Variants in EHMT1 observed in about 807,000 individuals in gnomAD.
EHMT1 encodes histone-lysine N-methyltransferase EHMT1.
EHMT1 carries 15 observed loss-of-function variants against 147.2 expected under a neutral mutation model. That is an observed-to-expected ratio of 0.10 (90% CI 0.07 to 0.16). EHMT1 has a LOEUF of 0.16. Ranked by LOEUF, EHMT1 falls within the 10% of genes least tolerant of loss-of-function variation. The pLI is 1.00. For synonymous variants in EHMT1, 795 were observed against 709.6 expected (o/e 1.12, Z -1.91); for missense variants, 1,587 against 1,772.4 (o/e 0.90, Z 1.88).
Position 137,800,548 on chromosome 9 carries a change from A to G in EHMT1, c.2608-332A>G, listed in dbSNP as rs528112625. 5.1e-4 allele frequency: 193 copies of G among 382,020 alleles called. 2 individuals carry two copies. In the East Asian group the frequency reaches 8.8e-3, roughly 17 times the overall value. The allele number at this position is 382,020 out of a possible 1,614,324, so 23.7% of individuals were successfully genotyped here. A position where few individuals can be genotyped will look rare whatever the true frequency, so the allele number is the denominator to read the frequency against. On this transcript the variant is annotated intron_variant, in intron 17 of 26. Coordinates refer to ENST00000460843, the MANE Select transcript of EHMT1 (RefSeq NM_024757.5). ...AAGTTTCAGCTCCCGTGTGTGTGCC[A>G]TTAGACTCGTTGCACGCAGCTGTGT...
Position 137,787,629 on chromosome 9 carries a change from G to T in EHMT1, c.2383-3219G>T. 1 of 529,752 alleles carries T rather than the reference G, an allele frequency of 1.9e-6. No individual in the cohort carries two copies. Among genetic ancestry groups the T allele is most frequent in the East Asian group, 3.4e-5 (1 of 29,634 alleles). The allele number at this position is 529,752 out of a possible 1,614,324, so 32.8% of individuals were successfully genotyped here. A position where few individuals can be genotyped will look rare whatever the true frequency, so the allele number is the denominator to read the frequency against. On this transcript the variant is annotated intron_variant, in intron 15 of 26. Transcript: ENST00000460843. The surrounding 1 kb of genome is among the most constrained non-coding windows in gnomAD (Gnocchi z 4.2). ...GGCTCCCTGGCAACAAGCTGGGGGT[G>T]GAAGCGGGAGGGAGGAGGGGCCTGT...
At chr9:137,760,744 T>C (rs1321823488) in intron 9 of EHMT1, among the ~76,000 whole-genome samples, 1 of 152,192 alleles carries the variant, frequency 6.6e-6, no homozygotes, top group East Asian at 1.9e-4. Context: ...GCAGGGCGGC[T>C]CAGGCCTGTA....
rs1952130331 is a variant in EHMT1 at position 137,787,988 on chromosome 9, G to A, written c.2383-2860G>A. 2 of 1,471,770 alleles carry A rather than the reference G, an allele frequency of 1.4e-6. No homozygotes were observed. The highest frequency in any genetic ancestry group is 1.9e-6 in the Non-Finnish European group (2 of 1,060,690). The allele number at this position is 1,471,770 out of a possible 1,614,324, so 91.2% of individuals were successfully genotyped here. ...TGGACAGCCCCCCAGGAACTGAGGTGCCCTGCAGTAAGTGGAGAGGCCAGG... is the reference window on the plus strand; with the variant it reads ...TGGACAGCCCCCCAGGAACTGAGGTACCCTGCAGTAAGTGGAGAGGCCAGG... On this transcript the variant is annotated intron_variant, in intron 15 of 26. Coordinates refer to ENST00000460843, the MANE Select transcript of EHMT1 (RefSeq NM_024757.5). This position sits in a 1 kb window ranked among gnomAD's most constrained non-coding sequence, Gnocchi z 4.2.
intron 15 of EHMT1, among the ~76,000 whole-genome samples, chr9:137,790,398 A>G (rs774997627): frequency 6.6e-6 from 1 of 152,218 alleles, no homozygotes; most frequent in Non-Finnish European, 1.5e-5. Context: ...TCCGGAATGC[A>G]TGCTACTGGA....
At chr9:137,700,986 G>A (rs2135158584) in intron 1 of EHMT1, among the ~76,000 whole-genome samples, 1 of 152,316 alleles carries the variant, frequency 6.6e-6, no homozygotes, top group South Asian at 2.1e-4. Flanking sequence ...TTAAAATCAT[G>A]GCGGAAGGCC....
At chr9:137,619,469 G>A (rs1842818222) in intron 1 of EHMT1, among the ~76,000 whole-genome samples, 2 of 152,088 alleles carry the variant, frequency 1.3e-5, no homozygotes, top group South Asian at 4.1e-4. Context: ...CAACTTTGGA[G>A]CGCCGGCCGA....
rs189451342 is a variant in EHMT1 at position 137,697,447 on chromosome 9, T to C, written c.22-13520T>C. Among the ~76,000 whole-genome samples, 31 of 152,334 alleles carry C rather than the reference T, an allele frequency of 2.0e-4. 1 individual carries two copies. The East Asian group carries it at 5.2e-3, about 26-fold the overall frequency. ...CCACTGGGATCGGCCGGCCTGGCCT[T>C]GTGCTCACTGCACACAGGGTCATAC... On this transcript the variant is annotated intron_variant, in intron 1 of 26. Transcript: ENST00000460843.
chr9:137,677,054 C>T (rs1941419577), intron 1 of EHMT1, among the ~76,000 whole-genome samples: 1 of 152,154 alleles, frequency 6.6e-6, no homozygotes, highest in South Asian at 2.1e-4. Flanking sequence ...ATCTTGAACA[C>T]CTGGGCTCAA....
intron 1 of EHMT1, among the ~76,000 whole-genome samples, chr9:137,656,913 G>A (rs1348852661): frequency 6.6e-6 from 1 of 151,680 alleles, no homozygotes; most frequent in Non-Finnish European, 1.5e-5. Context: ...GGTCATTTTT[G>A]TATTTTTAGT....
chr9:137,630,945 A>G (rs1266130024), intron 1 of EHMT1, among the ~76,000 whole-genome samples: 2 of 152,178 alleles, frequency 1.3e-5, no homozygotes, highest in African/African-American at 2.4e-5. Context: ...ATGGAATGAT[A>G]CTTTAAAAAG....
At chr9:137,719,045 G>A (rs574956557) in intron 3 of EHMT1, among the ~76,000 whole-genome samples, 1 of 152,124 alleles carries the variant, frequency 6.6e-6, no homozygotes, top group East Asian at 1.9e-4. Flanking sequence ...GAGCCACCGC[G>A]CCCGGCCTGA....
At chr9:137,757,786 A>G (rs1004397867) in intron 8 of EHMT1, 94 bp from the exon 9 acceptor site, 101 of 1,594,568 alleles carry the variant, frequency 6.3e-5, no homozygotes, top group Non-Finnish European at 8.0e-5. Context: ...GAAGTAGTCC[A>G]TTTCCTGGGG....
chr9:137,765,774 C>G (rs1358050573), intron 10 of EHMT1, among the ~76,000 whole-genome samples: 1 of 151,710 alleles, frequency 6.6e-6, no homozygotes, highest in Non-Finnish European at 1.5e-5. Context: ...GTCAGTTTCA[C>G]TGTTTAGGTT....
At chr9:137,693,028 G>A (rs1943074750) in intron 1 of EHMT1, among the ~76,000 whole-genome samples, 1 of 152,152 alleles carries the variant, frequency 6.6e-6, no homozygotes, top group African/African-American at 2.4e-5. Context: ...GGACCCTTTG[G>A]CGAATGGGCA....
intron 9 of EHMT1, 56 bp downstream of exon 9, chr9:137,758,067 G>C (rs908695221): frequency 6.2e-7 from 1 of 1,611,726 alleles, no homozygotes; most frequent in African/African-American, 1.3e-5. Flanking sequence ...TGTCTTCTGG[G>C]CTCCTTCCTC....
intron 1 of EHMT1, among the ~76,000 whole-genome samples, chr9:137,708,324 A>G (rs1944425781): frequency 1.3e-5 from 2 of 152,228 alleles, no homozygotes; most frequent in Non-Finnish European, 2.9e-5. Context: ...GTATTTTGAT[A>G]TCTTTTCAGA....
At chr9:137,743,778 C>T (rs1199131899) in intron 5 of EHMT1, 124 bp from the exon 6 acceptor site, 4 of 1,259,086 alleles carry the variant, frequency 3.2e-6, no homozygotes, top group Admixed American at 2.2e-5. Flanking sequence ...GGCACCTCTT[C>T]GTGTGTCCCC....
At chr9:137,709,555 C>G (rs1027575402) in intron 1 of EHMT1, among the ~76,000 whole-genome samples, 31 of 152,290 alleles carry the variant, frequency 2.0e-4, no homozygotes, top group Admixed American at 2.6e-4. Context: ...CATCCGGGCT[C>G]AGGTAGGGGC....
rs909863676 is a variant in EHMT1 at position 137,793,255 on chromosome 9, C to G, written c.2505+2285C>G. Among the ~76,000 whole-genome samples the G allele has an allele frequency of 3.9e-5, 6 of 152,160 alleles. No individual in the cohort carries two copies. In the East Asian group the frequency reaches 1.2e-3, roughly 29 times the overall value. On this transcript the variant is annotated intron_variant, in intron 16 of 26. Transcript: ENST00000460843. ...ATCTCAACAACAACAGAAAATTAAACCACCCAATTCAGAAATGGGCAAAGA... is the reference window on the plus strand; with the variant it reads ...ATCTCAACAACAACAGAAAATTAAAGCACCCAATTCAGAAATGGGCAAAGA...
Sources: allele counts gnomAD v4.1 joint callset (sites outside exome capture counted in the v4.1 genomes callset), GRCh38; gene constraint gnomAD v4.1.1; non-coding constraint Gnocchi (gnomAD v3.1); transcripts MANE v1.5; gene names NCBI Gene and HGNC (gene_info 2026-07-23, HGNC 2026-07-21).